PANK2: variants seen among roughly 807,000 people sequenced by gnomAD.
The protein encoded by PANK2 is pantothenate kinase 2, also known as pantothenate kinase 2, mitochondrial.
Under a neutral mutation model 43.1 loss-of-function variants are expected in PANK2, and 36 were observed. The observed-to-expected ratio is 0.84, with a 90% CI of 0.64 to 1.10. PANK2 has a LOEUF of 1.10. Ranked by LOEUF, PANK2 falls within the 50% of genes least tolerant of loss-of-function variation. PANK2 has a pLI of 0.00. For synonymous variants in PANK2, 281 were observed against 238.2 expected, an observed-to-expected ratio of 1.18 and a Z score of -1.66; for missense variants, 576 against 593.3, an observed-to-expected ratio of 0.97 and a Z score of 0.30.
At chr20:3,905,523 A>G (rs1026777187) in intron 1 of PANK2, among the ~76,000 whole-genome samples, 8 of 144,102 alleles carry the variant, frequency 5.6e-5, no homozygotes, top group Non-Finnish European at 1.2e-4. Flanking sequence ...ATTTTTTTGT[A>G]TTTTTAGTAG....
intron 2 of PANK2, among the ~76,000 whole-genome samples, chr20:3,909,978 T>G (rs1482304803): frequency 6.6e-6 from 1 of 152,230 alleles, no homozygotes; most frequent in Non-Finnish European, 1.5e-5. Context: ...TGGAATTAAT[T>G]GATTATGAAA....
chr20:3,894,132 T>C (rs1268552842), intron 1 of PANK2, among the ~76,000 whole-genome samples: 1 of 152,000 alleles, frequency 6.6e-6, no homozygotes, highest in Non-Finnish European at 1.5e-5. Context: ...GATTTCACCA[T>C]GTTGGTCAGG....
In PANK2 at chr20:3,913,889, T is replaced by C. The variant is rs185089735; in HGVS notation, c.1082+1255T>C. The stretch of plus-strand genomic sequence containing the variant: ...CTGCAAGCTCTAGCTCCTGGGTTCA[T>C]GCCATTCTTCTGCTTCAGCCTTCCA... On this transcript the variant is annotated intron_variant, in intron 4 of 6. Transcript: ENST00000610179. 3.5e-3 allele frequency among the ~76,000 whole-genome samples: 521 copies of C among 150,966 alleles called. 2 individuals are homozygous for C. Among genetic ancestry groups the C allele is most frequent in the Non-Finnish European group, 5.2e-3 (353 of 67,772 alleles).
In PANK2 at chr20:3,928,747, C is replaced by CAAAAAAAAAAAAAAAAAAAAAAAAAAAAA. The variant is rs528166005; in HGVS notation, c.*5457_*5485dup. The CAAAAAAAAAAAAAAAAAAAAAAAAAAAAA allele has an allele frequency of 1.8e-5, 1 of 56,840 alleles. No individual in the cohort carries two copies. The highest frequency in any genetic ancestry group is 5.6e-5 in the African/African-American group (1 of 17,804). The allele number at this position is 56,840 out of a possible 1,614,324, so 3.5% of individuals were successfully genotyped here. ...TGGGTGACAGAGCGAGACTCCGTCT[C>CAAAAAAAAAAAAAAAAAAAAAAAAAAAAA]AAAAAAAAAAAAAAAAAAAAAAAAA... On this transcript the variant is annotated 3_prime_UTR_variant, in exon 7 of 7. Transcript: ENST00000610179.
intron 1 of PANK2, 88 bp downstream of exon 1, chr20:3,889,816 C>A: frequency 5.2e-6 from 8 of 1,536,132 alleles, no homozygotes; most frequent in Non-Finnish European, 7.0e-6. Context: ...GCCGTTTTTC[C>A]CGCGCGCGGA....
Position 3,912,643 on chromosome 20 carries a change from GC to G in PANK2, c.1082+10del. The G allele has an allele frequency of 5.0e-6, 8 of 1,613,530 alleles. No individual in the cohort carries two copies. The highest frequency in any genetic ancestry group is 6.8e-6 in the Non-Finnish European group (8 of 1,179,612). On this transcript the variant is annotated intron_variant, in intron 4 of 6. Coordinates refer to ENST00000610179, the MANE Select transcript of PANK2 (RefSeq NM_001386393.1). Reference sequence around the variant, plus strand: ...TGGGCTGTGGCTTCAAGGTAAGGGGGCATGTGTGTTCTAAGAAATACAGGCG... The same window carrying G: ...TGGGCTGTGGCTTCAAGGTAAGGGGGATGTGTGTTCTAAGAAATACAGGCG...
intron 1 of PANK2, among the ~76,000 whole-genome samples, chr20:3,906,922 C>T (rs531859255): frequency 7.9e-5 from 12 of 151,918 alleles, no homozygotes; most frequent in African/African-American, 2.2e-4. Flanking sequence ...CCTCAGCCTC[C>T]GGAGTAGCTG....
Position 3,896,983 on chromosome 20 carries a change from G to A in PANK2, c.298+7255G>A, listed in dbSNP as rs139908072. ...GATTGGCAACTGGTGTCTGGCAGAGGTGTGGTGGAGGAGCAGTCTTGAGGG... is the reference window on the plus strand; with the variant it reads ...GATTGGCAACTGGTGTCTGGCAGAGATGTGGTGGAGGAGCAGTCTTGAGGG... On this transcript the variant is annotated intron_variant, in intron 1 of 6. Transcript: ENST00000610179. 1.7e-3 allele frequency among the ~76,000 whole-genome samples: 256 copies of A among 152,334 alleles called. 1 individual carries two copies. The highest frequency in any genetic ancestry group is 6.8e-3 in the Middle Eastern group (2 of 294).
In PANK2 at chr20:3,908,281, A is replaced by G. The variant is rs1131691472; in HGVS notation, c.651+3A>G. The G allele has an allele frequency of 6.3e-7, 1 of 1,594,304 alleles. No homozygotes were observed. On this transcript the variant is annotated splice_donor_region_variant and intron_variant, in intron 2 of 6. Coordinates refer to ENST00000610179, the MANE Select transcript of PANK2 (RefSeq NM_001386393.1). ...AATTTGAGCAGGATTTTCTCACAGT[A>G]TGCATTTTTTAGCTTATATACAATT...
chr20:3,898,292 C>T (rs1487080076), intron 1 of PANK2, among the ~76,000 whole-genome samples: 1 of 151,996 alleles, frequency 6.6e-6, no homozygotes, highest in Non-Finnish European at 1.5e-5. Flanking sequence ...CTCTGCCTCC[C>T]GGGTTCAAGC....
intron 5 of PANK2, chr20:3,917,578 G>A (rs758993497): frequency 1.9e-6 from 1 of 518,038 alleles, no homozygotes; most frequent in Non-Finnish European, 4.0e-6. Flanking sequence ...ACCAAGAATG[G>A]GCTGCCCTTG....
At chr20:3,904,138 T>C (rs1006795570) in intron 1 of PANK2, among the ~76,000 whole-genome samples, 4 of 151,960 alleles carry the variant, frequency 2.6e-5, no homozygotes, top group African/African-American at 9.7e-5. Context: ...AATAATATAG[T>C]ATGTAGCCTT....
rs1273971360 is a variant in PANK2, at chr20:3,905,485, T to C, written c.299-2441T>C. On this transcript the variant is annotated intron_variant, in intron 1 of 6. Coordinates refer to ENST00000610179, the MANE Select transcript of PANK2 (RefSeq NM_001386393.1). ...CCTCAGCCTGCTGAGTAGCTGGGACTACAGGCGCCCGCCACCACGCCCGGC... is the reference window on the plus strand; with the variant it reads ...CCTCAGCCTGCTGAGTAGCTGGGACCACAGGCGCCCGCCACCACGCCCGGC... Among the ~76,000 whole-genome samples the C allele has an allele frequency of 2.0e-5, 3 of 151,896 alleles. No homozygotes were observed. In the East Asian group the frequency reaches 5.8e-4, roughly 29 times the overall value.
chr20:3,926,938 C>CTG lies in PANK2; in HGVS notation c.*3645_*3646insGT. ...CCAGCCTGGGTGACAGCAAGACTGT[C>CTG]TCAAAAAAAAAAAAAAAAAAAAATC... On this transcript the variant is annotated 3_prime_UTR_variant, in exon 7 of 7. Coordinates refer to ENST00000610179, the MANE Select transcript of PANK2 (RefSeq NM_001386393.1). The CTG allele has an allele frequency of 1.6e-5, 1 of 61,560 alleles. No individual in the cohort carries two copies. The highest frequency in any genetic ancestry group is 5.2e-5 in the African/African-American group (1 of 19,294). The allele number at this position is 61,560 out of a possible 1,614,324, so 3.8% of individuals were successfully genotyped here. A position where few individuals can be genotyped will look rare whatever the true frequency, so the allele number is the denominator to read the frequency against.
At position 3,928,779 on chromosome 20, in the gene PANK2, A is replaced by ATTG. The variant is rs1246316830; in HGVS notation, c.*5489_*5491dup. Reference sequence around the variant, plus strand: ...AAAAAAAAAAAAAAAAAAAAAAAAAATTGTTGGGGTAATTTCTGTTGTCAA... The same window carrying ATTG: ...AAAAAAAAAAAAAAAAAAAAAAAAAATTGTTGTTGGGGTAATTTCTGTTGTCAA... On this transcript the variant is annotated 3_prime_UTR_variant, in exon 7 of 7. Coordinates refer to ENST00000610179, the MANE Select transcript of PANK2 (RefSeq NM_001386393.1). 7.1e-6 allele frequency: 1 copy of ATTG among 141,642 alleles called. No homozygotes were observed. The highest frequency in any genetic ancestry group is 2.2e-4 in the East Asian group (1 of 4,638). The allele number at this position is 141,642 out of a possible 1,614,324, so 8.8% of individuals were successfully genotyped here.
At chr20:3,906,172 C>G (rs1313884110) in intron 1 of PANK2, among the ~76,000 whole-genome samples, 2 of 152,104 alleles carry the variant, frequency 1.3e-5, no homozygotes. Context: ...CACTTGTAAT[C>G]CCAGCACTTT....
At position 3,917,074 on chromosome 20, in the gene PANK2, A is replaced by G. The variant is rs188126598; in HGVS notation, c.1206+24A>G. ...AAGTAAGGGGACATGGATTTCTTTA[A>G]TTGCTCTAAGGAAAATACTGAACTT... On this transcript the variant is annotated intron_variant, in intron 5 of 6. Coordinates refer to ENST00000610179, the MANE Select transcript of PANK2 (RefSeq NM_001386393.1). 3.1e-3 allele frequency: 5,064 copies of G among 1,613,670 alleles called. 92 individuals carry two copies. In the South Asian group the frequency reaches 0.033, roughly 11 times the overall value.
chr20:3,903,706 C>T (rs2090342871), intron 1 of PANK2, among the ~76,000 whole-genome samples: 1 of 151,174 alleles, frequency 6.6e-6, no homozygotes, highest in South Asian at 2.1e-4. Flanking sequence ...CGGCTCACTG[C>T]AGCCTCCATC....
chr20:3,910,731 T>G lies in PANK2; in HGVS notation c.806T>G (p.Leu269Trp). The G allele has an allele frequency of 6.2e-7, 1 of 1,614,186 alleles. No individual in the cohort carries two copies. Among genetic ancestry groups the G allele is most frequent in the Non-Finnish European group, 8.5e-7 (1 of 1,180,026 alleles). Residue 269 changes from leucine (L) to tryptophan (W), a missense_variant, in exon 3 of 7, where the codon TTG becomes TGG. Leu to Trp is a moderately conservative substitution (Grantham distance 61, BLOSUM62 -2). Transcript: ENST00000610179. The stretch of plus-strand genomic sequence containing the variant: ...AAGTGTCAGAAGTTACCATTTGATT[T>G]GAAAAATCCGTATCCTCTGCTTCTG...
Sources: gnomAD v4.1 joint callset for allele counts (sites outside exome capture counted in the v4.1 genomes callset) on GRCh38, gnomAD v4.1.1 for gene constraint, MANE v1.5 for transcripts, NCBI Gene and HGNC (gene_info 2026-07-23, HGNC 2026-07-21) for gene names.